The following DDX46 variants were observed in gnomAD, a reference collection of about 807,000 sequenced individuals.
DDX46 encodes DEAD-box helicase 46.
Under a neutral mutation model 134.9 loss-of-function variants are expected in DDX46, and 30 were observed. The ratio of observed to expected loss-of-function variants is 0.22; its 90% confidence interval spans 0.17 to 0.30. DDX46 has a LOEUF of 0.30. DDX46 is among the 10% of genes least tolerant of loss of function. The pLI is 1.00. For missense variants in DDX46, 622 were observed against 1,248.7 expected (o/e 0.50, Z 7.56); for synonymous variants, 415 against 404.1 (o/e 1.03, Z -0.32).
At chr5:134,759,639 A>C (rs1022630806) in intron 1 of DDX46, among the ~76,000 whole-genome samples, 1 of 152,164 alleles carries the variant, frequency 6.6e-6, no homozygotes, top group Non-Finnish European at 1.5e-5. Flanking sequence ...AAAAATGACT[A>C]TTTGCTATGT....
intron 5 of DDX46, 72 bp downstream of exon 5, chr5:134,773,933 GT>G (rs1580779657): frequency 1.5e-6 from 2 of 1,372,328 alleles, no homozygotes; most frequent in East Asian, 4.9e-5. Context: ...TTCATAAGGG[GT>G]TTTTAATCTT....
At chr5:134,786,775 G>T (rs1425002405) in intron 11 of DDX46, among the ~76,000 whole-genome samples, 5 of 152,138 alleles carry the variant, frequency 3.3e-5, no homozygotes, top group Admixed American at 3.3e-4. Flanking sequence ...AACCTGGGAG[G>T]CGGAGGTTGC....
At chr5:134,767,340 C>T (rs766069035) in intron 3 of DDX46, among the ~76,000 whole-genome samples, 1 of 151,974 alleles carries the variant, frequency 6.6e-6, no homozygotes, top group Non-Finnish European at 1.5e-5. Flanking sequence ...TTTGTAGAAA[C>T]TCTGTCATTT....
intron 2 of DDX46, among the ~76,000 whole-genome samples, chr5:134,766,700 G>T (rs1211519890): frequency 6.6e-6 from 1 of 152,218 alleles, no homozygotes; most frequent in African/African-American, 2.4e-5. Context: ...CAGCCTGGGT[G>T]ACAGGTGTGA....
intron 15 of DDX46, among the ~76,000 whole-genome samples, chr5:134,801,551 C>G (rs1158838739): frequency 6.6e-6 from 1 of 152,094 alleles, no homozygotes; most frequent in African/African-American, 2.4e-5. Flanking sequence ...GAATGTGCCA[C>G]CATGCCCAAC....
chr5:134,793,694 C>T (rs1380941566), intron 13 of DDX46, among the ~76,000 whole-genome samples: 3 of 152,182 alleles, frequency 2.0e-5, no homozygotes, highest in Non-Finnish European at 2.9e-5. Context: ...CCTGAGCCAC[C>T]ACACCCAGCC....
chr5:134,777,625 G>C lies in DDX46; in HGVS notation c.665G>C (p.Gly222Ala). The C allele has an allele frequency of 6.2e-7, 1 of 1,613,638 alleles. No homozygotes were observed. The highest frequency in any genetic ancestry group is 1.1e-5 in the South Asian group (1 of 91,032). Reference sequence around the variant, plus strand: ...GAAAAGGAGGGAAATGAAATGGAGGGTGAGGAGTTAGATCCATTAGATGCT... The same window carrying C: ...GAAAAGGAGGGAAATGAAATGGAGGCTGAGGAGTTAGATCCATTAGATGCT... The part of the protein sequence containing the change: ...EAEKEGNEME[G>A]EELDPLDAYM... Residue 222 changes from glycine (G) to alanine (A), a missense_variant, in exon 6 of 23, where the codon GGT becomes GCT. Coordinates refer to ENST00000452510, the MANE Select transcript of DDX46 (RefSeq NM_001300860.2).
At chr5:134,767,962 A>C (rs1561851073) in intron 3 of DDX46, among the ~76,000 whole-genome samples, 1 of 151,732 alleles carries the variant, frequency 6.6e-6, no homozygotes, top group African/African-American at 2.4e-5. Context: ...AAAAAAAAAA[A>C]CAAAAAAAAG....
intron 15 of DDX46, among the ~76,000 whole-genome samples, chr5:134,806,258 G>C (rs1411411097): frequency 2.0e-5 from 3 of 151,872 alleles, no homozygotes; most frequent in Non-Finnish European, 4.4e-5. Flanking sequence ...GTTTGAGAAG[G>C]GCTGGTTTAC....
intron 6 of DDX46, among the ~76,000 whole-genome samples, chr5:134,779,233 G>A (rs1754054447): frequency 6.6e-6 from 1 of 151,826 alleles, no homozygotes; most frequent in South Asian, 2.1e-4. Context: ...TTGCTCTGTT[G>A]CCTAGGCTGG....
intron 18 of DDX46, among the ~76,000 whole-genome samples, chr5:134,814,101 A>G (rs1363918991): frequency 6.6e-6 from 1 of 152,204 alleles, no homozygotes; most frequent in Non-Finnish European, 1.5e-5. Flanking sequence ...CTATTACAGT[A>G]TTTTGAGACC....
intron 21 of DDX46, among the ~76,000 whole-genome samples, chr5:134,824,402 C>T (rs1371826176): frequency 6.6e-6 from 1 of 152,074 alleles, no homozygotes; most frequent in Non-Finnish European, 1.5e-5. Context: ...ACCAGCCTGG[C>T]CAACATAGTG....
chr5:134,823,341 T>G (rs1755505903), intron 21 of DDX46, among the ~76,000 whole-genome samples: 1 of 151,702 alleles, frequency 6.6e-6, no homozygotes. Flanking sequence ...GGTTTCACCA[T>G]TGTTGGCCAG....
At chr5:134,804,773 A>T in intron 15 of DDX46, 1 of 330,912 alleles carries the variant, frequency 3.0e-6, no homozygotes, top group South Asian at 2.7e-5. Flanking sequence ...AATAATTTTT[A>T]AAATTTAGCT....
chr5:134,767,332 T>C (rs1753606587), intron 3 of DDX46, among the ~76,000 whole-genome samples: 1 of 152,170 alleles, frequency 6.6e-6, no homozygotes, highest in Non-Finnish European at 1.5e-5. Flanking sequence ...TAGACATCTT[T>C]GTAGAAACTC....
intron 18 of DDX46, among the ~76,000 whole-genome samples, 162 bp from the exon 19 acceptor site, chr5:134,816,268 G>A (rs2150158655): frequency 6.6e-6 from 1 of 152,258 alleles, no homozygotes; most frequent in East Asian, 1.9e-4. Context: ...TAACAAATAG[G>A]TGGTATATTT....
rs904748794 is a variant in DDX46 at position 134,812,322 on chromosome 5, C to G, written c.2436+477C>G. On this transcript the variant is annotated intron_variant, in intron 18 of 22. Coordinates refer to ENST00000452510, the MANE Select transcript of DDX46 (RefSeq NM_001300860.2). ...TCAAGTGATCCGCTTTCCTTGGCCT[C>G]CCAAAGTGCTGGGATTACAGGCGTG... 1.2e-4 allele frequency among the ~76,000 whole-genome samples: 19 copies of G among 152,054 alleles called. 1 individual carries two copies. The highest frequency in any genetic ancestry group is 1.2e-3 in the Admixed American group (19 of 15,272).
In DDX46 at chr5:134,785,550, G is replaced by A; in HGVS notation, c.1428G>A (p.Val476=). ...TTTCCAAGACTTTGGGACTTAGAGT[G>A]GTCTGTGTTTACGGAGGAACAGGAA... ...KKFSKTLGLR[V]VCVYGGTGIS... is the part of the protein sequence containing the mutation. Residue 476 remains valine (V), a synonymous_variant, in exon 11 of 23, where the codon GTG becomes GTA. Coordinates refer to ENST00000452510, the MANE Select transcript of DDX46 (RefSeq NM_001300860.2). 1 of 1,613,480 alleles carries A rather than the reference G, an allele frequency of 6.2e-7. No homozygotes were observed.
intron 4 of DDX46, 58 bp downstream of exon 4, chr5:134,771,057 T>TTTTCTTTCTTTCCCTC: frequency 2.8e-6 from 2 of 714,754 alleles, no homozygotes; most frequent in South Asian, 1.8e-5. Flanking sequence ...TCTTTCTTTC[T>TTTTCTTTCTTTCCCTC]TTTCTTTCTT....
Sources: gnomAD v4.1 joint callset for allele counts (sites outside exome capture counted in the v4.1 genomes callset) on GRCh38, gnomAD v4.1.1 for gene constraint, MANE v1.5 for transcripts, NCBI Gene and HGNC (gene_info 2026-07-23, HGNC 2026-07-21) for gene names.